The following SLC44A5 variants were observed in gnomAD, a reference collection of about 807,000 sequenced individuals.
The protein encoded by SLC44A5 is choline transporter-like protein 5.
SLC44A5 carries 57 observed loss-of-function variants against 101.8 expected under a neutral mutation model. That is an observed-to-expected ratio of 0.56 (90% CI 0.45 to 0.70). The LOEUF (loss-of-function observed/expected upper bound fraction) is 0.70, where lower values mean the gene tolerates loss of function less well. Ranked by LOEUF, SLC44A5 falls within the 30% of genes least tolerant of loss-of-function variation. SLC44A5 has a pLI of 0.00. For synonymous variants in SLC44A5, 281 were observed against 290.9 expected (o/e 0.97, Z 0.35); for missense variants, 737 against 853.1 (o/e 0.86, Z 1.70).
intron 4 of SLC44A5, among the ~76,000 whole-genome samples, chr1:75,314,473 G>A (rs902788501): frequency 1.3e-5 from 2 of 152,128 alleles, no homozygotes; most frequent in African/African-American, 4.8e-5. Context: ...TCAGTTACTG[G>A]AAAAATGTGC....
intron 2 of SLC44A5, among the ~76,000 whole-genome samples, chr1:75,415,712 C>A (rs572750259): frequency 6.6e-6 from 1 of 152,234 alleles, no homozygotes; most frequent in South Asian, 2.1e-4. Flanking sequence ...GTGATATGAA[C>A]AATAACATCC....
intron 3 of SLC44A5, among the ~76,000 whole-genome samples, chr1:75,373,135 T>G (rs887733780): frequency 6.6e-6 from 1 of 152,206 alleles, no homozygotes; most frequent in African/African-American, 2.4e-5. Context: ...AGAAGATGGC[T>G]GACTAGATGC....
At chr1:75,672,054 CA>C in the SLC44A5 span, among the ~76,000 whole-genome samples, 1 of 151,926 alleles carries the variant, frequency 6.6e-6, no homozygotes, top group African/African-American at 2.4e-5. Context: ...ACTATCCACC[CA>C]AAAAAGCACC....
chr1:75,288,851 G>T (rs1420462026), intron 5 of SLC44A5, among the ~76,000 whole-genome samples: 1 of 152,154 alleles, frequency 6.6e-6, no homozygotes. Flanking sequence ...CTTCCCTCAA[G>T]GTTATATGAC....
intron 4 of SLC44A5, among the ~76,000 whole-genome samples, chr1:75,303,800 T>C (rs1437847581): frequency 6.6e-6 from 1 of 152,098 alleles, no homozygotes; most frequent in Non-Finnish European, 1.5e-5. Context: ...GAAAATAATA[T>C]ATTAAAGTCT....
chr1:75,352,763 C>T (rs985996641), intron 3 of SLC44A5, among the ~76,000 whole-genome samples: 1 of 152,088 alleles, frequency 6.6e-6, no homozygotes, highest in Non-Finnish European at 1.5e-5. Flanking sequence ...TAAATATATA[C>T]CCCATACTAC....
intron 2 of SLC44A5, among the ~76,000 whole-genome samples, chr1:75,435,370 C>T (rs1557780744): frequency 6.6e-6 from 1 of 152,300 alleles, no homozygotes; most frequent in Non-Finnish European, 1.5e-5. Flanking sequence ...GTCAATAAAT[C>T]TTACGTTTTA....
At chr1:75,517,431 CA>C (rs930917239) in intron 2 of SLC44A5, among the ~76,000 whole-genome samples, 40 of 148,470 alleles carry the variant, frequency 2.7e-4, no homozygotes, top group African/African-American at 8.7e-4. Flanking sequence ...AAGTCAGTGA[CA>C]AAAAAAAACT....
rs763645755 is a variant in SLC44A5 at position 75,230,372 on chromosome 1, C to T, written c.854-2515G>A. On this transcript the variant is annotated intron_variant, in intron 12 of 23. Transcript: ENST00000370859. ...AAGCAATTCTCGTGCCTCAGCCTCCCGAGTAGCTGGGACTACAGGTGTGTG... is the reference window on the plus strand; with the variant it reads ...AAGCAATTCTCGTGCCTCAGCCTCCTGAGTAGCTGGGACTACAGGTGTGTG... Among the ~76,000 whole-genome samples the T allele has an allele frequency of 2.0e-5, 3 of 151,768 alleles. No individual in the cohort carries two copies. The East Asian group carries it at 5.8e-4, about 30-fold the overall frequency.
the SLC44A5 span, among the ~76,000 whole-genome samples, chr1:75,684,452 G>A: frequency 5.3e-5 from 8 of 151,982 alleles, no homozygotes; most frequent in African/African-American, 1.7e-4. Context: ...TTATACCTAG[G>A]AGCCCATGAA....
intron 12 of SLC44A5, among the ~76,000 whole-genome samples, chr1:75,231,721 GA>G (rs1467863712): frequency 4.6e-5 from 7 of 152,250 alleles, no homozygotes; most frequent in African/African-American, 1.7e-4. Context: ...ATGAATTAAA[GA>G]AAACTGTATG....
chr1:75,533,534 T>A (rs1489331505), intron 2 of SLC44A5, among the ~76,000 whole-genome samples: 1 of 152,134 alleles, frequency 6.6e-6, no homozygotes, highest in Non-Finnish European at 1.5e-5. Flanking sequence ...TATACCTGAT[T>A]ACAAAACTTA....
At chr1:75,337,135 T>C (rs1323298494) in intron 4 of SLC44A5, among the ~76,000 whole-genome samples, 1 of 149,290 alleles carries the variant, frequency 6.7e-6, no homozygotes, top group African/African-American at 2.4e-5. Flanking sequence ...CTTTTGAAGT[T>C]CATCCTTGTA....
At chr1:75,644,167 G>A in the SLC44A5 span, among the ~76,000 whole-genome samples, 1 of 151,992 alleles carries the variant, frequency 6.6e-6, no homozygotes, top group Non-Finnish European at 1.5e-5. Flanking sequence ...GTCTATCAAG[G>A]GAACTGGTAA....
At chr1:75,532,868 C>A (rs553324732) in intron 2 of SLC44A5, among the ~76,000 whole-genome samples, 4 of 152,204 alleles carry the variant, frequency 2.6e-5, no homozygotes, top group Non-Finnish European at 4.4e-5. Context: ...AGCAAAAACC[C>A]ATCTCTACCA....
chr1:75,549,066 A>G (rs1319640407), intron 1 of SLC44A5, among the ~76,000 whole-genome samples: 1 of 152,120 alleles, frequency 6.6e-6, no homozygotes, highest in Non-Finnish European at 1.5e-5. Context: ...GATTTAAGGA[A>G]ATCTAGTCAA....
chr1:75,221,993 CTT>C (rs1337722284), intron 14 of SLC44A5, among the ~76,000 whole-genome samples: 2 of 137,866 alleles, frequency 1.5e-5, no homozygotes, highest in African/African-American at 5.6e-5. Context: ...GAGTTTTGCT[CTT>C]GTTGCCCAGG....
At chr1:75,657,703 G>T in the SLC44A5 span, among the ~76,000 whole-genome samples, 1 of 152,008 alleles carries the variant, frequency 6.6e-6, no homozygotes, top group African/African-American at 2.4e-5. Flanking sequence ...TAATTAAGGG[G>T]TCAATTCAGT....
the SLC44A5 span, among the ~76,000 whole-genome samples, chr1:75,666,376 T>C: frequency 6.6e-6 from 1 of 151,994 alleles, no homozygotes. Flanking sequence ...AATTCAGGTA[T>C]TTGACTTCCC....
Sources: gnomAD v4.1 joint callset for allele counts (sites outside exome capture counted in the v4.1 genomes callset) on GRCh38, gnomAD v4.1.1 for gene constraint, MANE v1.5 for transcripts, NCBI Gene and HGNC (gene_info 2026-07-23, HGNC 2026-07-21) for gene names.